Variants in LGR4 observed in about 807,000 individuals in gnomAD.
LGR4 encodes the protein leucine-rich repeat-containing G protein-coupled receptor 4.
Under a neutral mutation model 84.8 loss-of-function variants are expected in LGR4, and 44 were observed. That is an observed-to-expected ratio of 0.52 (90% CI 0.41 to 0.67). The LOEUF (loss-of-function observed/expected upper bound fraction) is 0.67. Among genes scored for constraint, LGR4 ranks in the 30% least tolerant of loss-of-function variants. The pLI is 0.00. For missense variants in LGR4, 1,032 were observed against 1,131.4 expected (o/e 0.91, Z 1.26); for synonymous variants, 429 against 434.3 (o/e 0.99, Z 0.15).
intron 2 of LGR4, among the ~76,000 whole-genome samples, chr11:27,394,980 G>A (rs182036172): frequency 1.1e-4 from 17 of 152,086 alleles, no homozygotes; most frequent in Admixed American, 7.9e-4. Context: ...TCACCATTCC[G>A]ATGCCATAGC....
At chr11:27,463,067 CAAAAAAAA>C (rs35718980) in intron 1 of LGR4, among the ~76,000 whole-genome samples, 16 of 51,040 alleles carry the variant, frequency 3.1e-4, no homozygotes, top group South Asian at 1.1e-3. Context: ...ACCCTGTCTC[CAAAAAAAA>C]AAAAAAAAAA....
intron 13 of LGR4, among the ~76,000 whole-genome samples, chr11:27,375,516 A>G (rs1423342354): frequency 6.6e-6 from 1 of 152,116 alleles, no homozygotes; most frequent in Middle Eastern, 3.2e-3. Flanking sequence ...ATTTGTCATG[A>G]TAGATACTCC....
At chr11:27,386,597 C>T (rs569448547) in intron 4 of LGR4, among the ~76,000 whole-genome samples, 2 of 152,276 alleles carry the variant, frequency 1.3e-5, no homozygotes, top group East Asian at 3.9e-4. Context: ...TGTTTCCTTG[C>T]GCTGTTCCAA....
intron 1 of LGR4, among the ~76,000 whole-genome samples, chr11:27,418,858 G>C (rs1015837969): frequency 1.4e-5 from 2 of 144,870 alleles, no homozygotes; most frequent in Non-Finnish European, 3.0e-5. Flanking sequence ...TTTGAGACTG[G>C]AGTCTCACTT....
chr11:27,380,508 A>G, intron 9 of LGR4, 132 bp downstream of exon 9: 2 of 761,722 alleles, frequency 2.6e-6, no homozygotes, highest in Non-Finnish European at 4.2e-6. Flanking sequence ...AAATAAGAAC[A>G]ATTATAAATT....
In LGR4 at chr11:27,472,185, G is replaced by T; in HGVS notation, c.118C>A (p.Arg40=). The T allele has an allele frequency of 7.2e-7, 1 of 1,394,076 alleles. No homozygotes were observed. Among genetic ancestry groups the T allele is most frequent in the East Asian group, 3.4e-5 (1 of 29,664 alleles). The allele number at this position is 1,394,076 out of a possible 1,614,324, so 86.4% of individuals were successfully genotyped here. A position where few individuals can be genotyped will look rare whatever the true frequency, so the allele number is the denominator to read the frequency against. The stretch of plus-strand genomic sequence containing the variant: ...AGCCCCTTCCCGGAGCAGTCCACCC[G>T]ACGGTCGCCGTCGCAGCTGCAGGGC... ...AAPCSCDGDR[R]VDCSGKGLTA... The change falls in exon 1 of 18, where the codon CGG becomes AGG. Residue 40 remains arginine (R), a synonymous_variant. Coordinates refer to ENST00000379214, the MANE Select transcript of LGR4 (RefSeq NM_018490.5).
intron 1 of LGR4, among the ~76,000 whole-genome samples, chr11:27,430,912 C>T (rs1013337431): frequency 6.6e-6 from 1 of 151,972 alleles, no homozygotes; most frequent in Non-Finnish European, 1.5e-5. Flanking sequence ...CCCCAACCCC[C>T]ACAAGCACGC....
chr11:27,387,421 T>A (rs1349855504), intron 4 of LGR4, among the ~76,000 whole-genome samples: 1 of 152,118 alleles, frequency 6.6e-6, no homozygotes, highest in African/African-American at 2.4e-5. Flanking sequence ...TCAAAACGCA[T>A]TTGGTCAAGA....
In LGR4 at chr11:27,392,608, A is replaced by G. The variant is rs1237758063; in HGVS notation, c.258-90T>C. On this transcript the variant is annotated intron_variant, in intron 2 of 17. Coordinates refer to ENST00000379214, the MANE Select transcript of LGR4 (RefSeq NM_018490.5). ...TACAAAAACCTAATCTGTGATTAAA[A>G]CTCTATGTTAAACATTTCTCAAGTC... The G allele has an allele frequency of 4.7e-6, 5 of 1,069,272 alleles. No individual in the cohort carries two copies. The Admixed American group carries it at 8.4e-5, about 18-fold the overall frequency. The allele number at this position is 1,069,272 out of a possible 1,614,324, so 66.2% of individuals were successfully genotyped here.
intron 3 of LGR4, among the ~76,000 whole-genome samples, 168 bp from the exon 4 acceptor site, chr11:27,391,333 A>T (rs373611963): frequency 3.5e-4 from 53 of 151,992 alleles, no homozygotes; most frequent in African/African-American, 1.2e-3. Context: ...AACTTCAAGA[A>T]GCACTTGTTG....
intron 13 of LGR4, among the ~76,000 whole-genome samples, chr11:27,374,491 A>G (rs959416569): frequency 1.3e-5 from 2 of 152,188 alleles, no homozygotes; most frequent in South Asian, 4.1e-4. Flanking sequence ...AAACAAGAGC[A>G]TTCCAGGAGG....
chr11:27,441,978 G>T (rs1864312371), intron 1 of LGR4, among the ~76,000 whole-genome samples: 1 of 152,220 alleles, frequency 6.6e-6, no homozygotes, highest in African/African-American at 2.4e-5. Flanking sequence ...ATGGAACAGA[G>T]ATTGTGAGTT....
At chr11:27,472,073 C>A in intron 1 of LGR4, 45 bp downstream of exon 1, 2 of 974,200 alleles carry the variant, frequency 2.1e-6, no homozygotes, top group Non-Finnish European at 2.6e-6. Context: ...CCCCGCTGGG[C>A]CCCGTTTCCT....
intron 2 of LGR4, among the ~76,000 whole-genome samples, chr11:27,408,206 G>T (rs1052217091): frequency 3.9e-5 from 6 of 152,084 alleles, no homozygotes; most frequent in African/African-American, 9.6e-5. Context: ...AAACCTTTCT[G>T]TTTAAATTAT....
At chr11:27,381,930 T>A (rs1455646352) in intron 7 of LGR4, among the ~76,000 whole-genome samples, 1 of 152,240 alleles carries the variant, frequency 6.6e-6, no homozygotes, top group Admixed American at 6.5e-5. Flanking sequence ...CCAGTAAGAC[T>A]AAGACTACAA....
Position 27,369,053 on chromosome 11 carries a change from A to T in LGR4, c.1670T>A (p.Leu557Gln). 6.2e-7 allele frequency: 1 copy of T among 1,614,010 alleles called. No individual in the cohort carries two copies. Among genetic ancestry groups the T allele is most frequent in the Non-Finnish European group, 8.5e-7 (1 of 1,179,880 alleles). ...TGCAAATGTTGTTAAAATAACAAGCAGGTTGAAAAATAATGCAACCAAGAA... is the reference window on the plus strand; with the variant it reads ...TGCAAATGTTGTTAAAATAACAAGCTGGTTGAAAAATAATGCAACCAAGAA... The part of the protein sequence containing the change: ...FIFLVALFFN[L>Q]LVILTTFASC... Residue 557 changes from leucine (L) to glutamine (Q), a missense_variant, in exon 18 of 18, where the codon CTG becomes CAG. Transcript: ENST00000379214.
At position 27,367,542 on chromosome 11, in the gene LGR4, T is replaced by C. The variant is rs1197448708; in HGVS notation, c.*325A>G. On this transcript the variant is annotated 3_prime_UTR_variant, in exon 18 of 18. Transcript: ENST00000379214. The stretch of plus-strand genomic sequence containing the variant: ...CAGCTGTTCTTTATCTTGTGCTTAA[T>C]ACACAAATAGGTATAAATTTGCTTC... 2 of 185,856 alleles carry C rather than the reference T, an allele frequency of 1.1e-5. No individual in the cohort carries two copies. The highest frequency in any genetic ancestry group is 1.1e-5 in the Non-Finnish European group (1 of 90,182). 11.5% of individuals were successfully genotyped at this position (185,856 alleles called of 1,614,324 possible). A position where few individuals can be genotyped will look rare whatever the true frequency, so the allele number is the denominator to read the frequency against.
intron 6 of LGR4, 25 bp downstream of exon 6, chr11:27,384,311 T>C (rs759200086): frequency 1.4e-6 from 2 of 1,479,456 alleles, no homozygotes; most frequent in Admixed American, 3.4e-5. Context: ...CACAATGCAG[T>C]TGCCCAAAAT....
intron 13 of LGR4, among the ~76,000 whole-genome samples, chr11:27,375,485 C>T (rs1367355785): frequency 6.6e-6 from 1 of 151,992 alleles, no homozygotes; most frequent in Non-Finnish European, 1.5e-5. Context: ...TAAGTAAGTG[C>T]TTCTGTGGCT....
Sources: gnomAD v4.1 joint callset for allele counts (sites outside exome capture counted in the v4.1 genomes callset) on GRCh38, gnomAD v4.1.1 for gene constraint, MANE v1.5 for transcripts, NCBI Gene and HGNC (gene_info 2026-07-23, HGNC 2026-07-21) for gene names.